The following GRIK2 variants were observed in gnomAD, a reference collection of about 807,000 sequenced individuals.
The protein encoded by GRIK2 is glutamate ionotropic receptor kainate type subunit 2.
Under a neutral mutation model 100.3 loss-of-function variants are expected in GRIK2, and 32 were observed. The ratio of observed to expected loss-of-function variants is 0.32; its 90% confidence interval spans 0.24 to 0.43. The LOEUF (loss-of-function observed/expected upper bound fraction) is 0.43. GRIK2 is among the 20% of genes least tolerant of loss of function. The probability of loss-of-function intolerance (pLI) is 1.00; values close to 1 mark genes in which losing one functional copy is unlikely to be tolerated. For missense variants in GRIK2, 843 were observed against 1,114.9 expected (o/e 0.76, Z 3.47); for synonymous variants, 417 against 389.4 (o/e 1.07, Z -0.83).
chr6:101,888,556 C>T (rs1213778682), intron 11 of GRIK2, among the ~76,000 whole-genome samples: 1 of 152,008 alleles, frequency 6.6e-6, no homozygotes, highest in Admixed American at 6.6e-5. Flanking sequence ...CTCCGTAGCC[C>T]CTCTCAAAGA....
At chr6:101,588,672 A>ACACACGCACG (rs1010045580) in intron 2 of GRIK2, among the ~76,000 whole-genome samples, 1 of 143,018 alleles carries the variant, frequency 7.0e-6, no homozygotes, top group East Asian at 2.0e-4. Context: ...GCACACGCAC[A>ACACACGCACG]CACACACACA....
chr6:101,830,159 A>AAAAACAAATAATGG lies in GRIK2; in HGVS notation c.1317+11681_1317+11694dup, dbSNP rs1782586984. Among the ~76,000 whole-genome samples, 3 of 152,212 alleles carry AAAAACAAATAATGG rather than the reference A, an allele frequency of 2.0e-5. No individual in the cohort carries two copies. The East Asian group carries it at 5.8e-4, about 29-fold the overall frequency. ...CCAACTGATCTTTGACAAAATCGAC[A>AAAAACAAATAATGG]AAAACAAATAATGGAAAAGGATATC... On this transcript the variant is annotated intron_variant, in intron 10 of 16. Coordinates refer to ENST00000369134, the MANE Select transcript of GRIK2 (RefSeq NM_021956.5).
intron 14 of GRIK2, among the ~76,000 whole-genome samples, chr6:101,978,561 G>T (rs1474560604): frequency 6.6e-6 from 1 of 151,720 alleles, no homozygotes; most frequent in South Asian, 2.1e-4. Flanking sequence ...AATATCTTGT[G>T]TCATACATTT....
At chr6:101,913,155 C>A (rs1788865478) in intron 12 of GRIK2, among the ~76,000 whole-genome samples, 2 of 151,474 alleles carry the variant, frequency 1.3e-5, no homozygotes, top group African/African-American at 4.8e-5. Context: ...TCCAAAGTGT[C>A]CAAAATTTAC....
chr6:101,564,087 A>G (rs557495709), intron 2 of GRIK2, among the ~76,000 whole-genome samples: 1 of 152,192 alleles, frequency 6.6e-6, no homozygotes, highest in Non-Finnish European at 1.5e-5. Flanking sequence ...ATTTTTTTAC[A>G]TTCAAATTAT....
intron 2 of GRIK2, among the ~76,000 whole-genome samples, chr6:101,429,726 T>C (rs1403904515): frequency 6.6e-6 from 1 of 152,152 alleles, no homozygotes; most frequent in Non-Finnish European, 1.5e-5. Flanking sequence ...AGCACTTTAT[T>C]TTTCCTTACA....
chr6:102,054,306 ATTACAG>A (rs965111248), intron 15 of GRIK2, among the ~76,000 whole-genome samples: 4 of 152,150 alleles, frequency 2.6e-5, no homozygotes, highest in Non-Finnish European at 4.4e-5. Context: ...TCAAAACAAA[ATTACAG>A]GCAATGTTGA....
chr6:101,755,161 G>GTTTTTTTTTTTTT (rs1157640683), intron 7 of GRIK2, among the ~76,000 whole-genome samples: 23 of 102,956 alleles, frequency 2.2e-4, no homozygotes, highest in East Asian at 3.7e-4. Context: ...TTTCTTTTTG[G>GTTTTTTTTTTTTT]TTTTTTTTTT....
chr6:101,455,866 C>T (rs1445953353), intron 2 of GRIK2, among the ~76,000 whole-genome samples: 1 of 151,938 alleles, frequency 6.6e-6, no homozygotes, highest in Non-Finnish European at 1.5e-5. Context: ...TCTGATTGTA[C>T]TATAGTATCT....
intron 2 of GRIK2, among the ~76,000 whole-genome samples, chr6:101,446,131 T>A (rs1770360814): frequency 1.3e-5 from 2 of 151,976 alleles, no homozygotes; most frequent in Admixed American, 6.6e-5. Flanking sequence ...ACCAGAAATC[T>A]TTATTTTTAA....
chr6:101,846,769 C>A (rs896371645), intron 10 of GRIK2, among the ~76,000 whole-genome samples: 1 of 151,960 alleles, frequency 6.6e-6, no homozygotes, highest in African/African-American at 2.4e-5. Flanking sequence ...TTGTCTATTT[C>A]ATTGGGGTAG....
At chr6:101,710,583 A>C (rs923874682) in intron 7 of GRIK2, among the ~76,000 whole-genome samples, 2 of 151,876 alleles carry the variant, frequency 1.3e-5, no homozygotes, top group South Asian at 4.1e-4. Flanking sequence ...AAAACAAAAC[A>C]CTTTATAATA....
At chr6:101,867,023 CTTTTT>C (rs1421387230) in intron 11 of GRIK2, among the ~76,000 whole-genome samples, 10 of 151,610 alleles carry the variant, frequency 6.6e-5, no homozygotes, top group African/African-American at 2.4e-4. Flanking sequence ...TGGAAAAATT[CTTTTT>C]TAACTGAAGC....
intron 2 of GRIK2, among the ~76,000 whole-genome samples, chr6:101,495,835 A>G (rs1401111092): frequency 1.3e-5 from 2 of 152,188 alleles, no homozygotes; most frequent in South Asian, 4.2e-4. Context: ...AGATTTTTCT[A>G]ACTAAATATT....
chr6:101,587,466 T>A (rs934638279), intron 2 of GRIK2, among the ~76,000 whole-genome samples: 5 of 152,110 alleles, frequency 3.3e-5, no homozygotes, highest in African/African-American at 1.2e-4. Flanking sequence ...CCTACCCACC[T>A]ATCTGAAATA....
chr6:101,480,010 T>C (rs1410019676), intron 2 of GRIK2, among the ~76,000 whole-genome samples: 1 of 152,142 alleles, frequency 6.6e-6, no homozygotes, highest in South Asian at 2.1e-4. Flanking sequence ...AAAATTCAAA[T>C]AACATTGTTT....
At chr6:101,933,097 C>G (rs928455419) in intron 14 of GRIK2, among the ~76,000 whole-genome samples, 9 of 151,950 alleles carry the variant, frequency 5.9e-5, no homozygotes, top group Non-Finnish European at 1.0e-4. Flanking sequence ...CAAGGTATTG[C>G]CTTGACTTTT....
chr6:101,903,963 G>C (rs1788049959), intron 12 of GRIK2, among the ~76,000 whole-genome samples: 1 of 151,266 alleles, frequency 6.6e-6, no homozygotes, highest in Non-Finnish European at 1.5e-5. Context: ...TTTTCTTTTA[G>C]GAATTCACTA....
chr6:101,699,295 G>C (rs1772713886), intron 7 of GRIK2, among the ~76,000 whole-genome samples: 7 of 151,992 alleles, frequency 4.6e-5, no homozygotes, highest in Admixed American at 4.6e-4. Flanking sequence ...CATCCTGTCT[G>C]GTCACTCATC....
Sources: gnomAD v4.1 joint callset for allele counts (sites outside exome capture counted in the v4.1 genomes callset) on GRCh38, gnomAD v4.1.1 for gene constraint, MANE v1.5 for transcripts, NCBI Gene and HGNC (gene_info 2026-07-23, HGNC 2026-07-21) for gene names.